LIN54: variants seen among roughly 807,000 people sequenced by gnomAD.
The protein encoded by LIN54 is lin-54 DREAM MuvB core complex component.
A neutral mutation model predicts 78.7 loss-of-function variants in LIN54; 9 were observed. The ratio of observed to expected loss-of-function variants is 0.11; its 90% confidence interval spans 0.07 to 0.20. The LOEUF (loss-of-function observed/expected upper bound fraction) is 0.20. Among genes scored for constraint, LIN54 ranks in the 10% least tolerant of loss-of-function variants. The pLI, the probability that LIN54 is intolerant of heterozygous loss-of-function variation, is 1.00. For missense variants in LIN54, 573 were observed against 889.9 expected (o/e 0.64, Z 4.53); for synonymous variants, 269 against 318.4 (o/e 0.84, Z 1.65).
At chr4:82,939,812 C>T in intron 6 of LIN54, 76 bp from the exon 7 acceptor site, 1 of 1,587,806 alleles carries the variant, frequency 6.3e-7, no homozygotes, top group Non-Finnish European at 8.6e-7. Flanking sequence ...ATCTCTTGCA[C>T]CTAAATCTTA....
intron 1 of LIN54, among the ~76,000 whole-genome samples, chr4:83,004,882 A>C (rs1165066284): frequency 6.6e-6 from 1 of 152,092 alleles, no homozygotes; most frequent in Non-Finnish European, 1.5e-5. Flanking sequence ...TGTTTACATT[A>C]GATTTATAAA....
At chr4:82,974,046 TA>T (rs1725916517) in intron 3 of LIN54, among the ~76,000 whole-genome samples, 1 of 150,566 alleles carries the variant, frequency 6.6e-6, no homozygotes. Context: ...CCATCTCTAC[TA>T]AAAATACAAA....
At chr4:82,935,105 TC>T (rs2126032051) in intron 11 of LIN54, among the ~76,000 whole-genome samples, 1 of 152,032 alleles carries the variant, frequency 6.6e-6, no homozygotes, top group South Asian at 2.1e-4. Context: ...GAATGCCAGA[TC>T]CCCCTTTCCT....
In LIN54 at chr4:82,939,605, G is replaced by A; in HGVS notation, c.1374C>T (p.Val458=). 1 of 1,614,238 alleles carries A rather than the reference G, an allele frequency of 6.2e-7. No individual in the cohort carries two copies. The highest frequency in any genetic ancestry group is 1.7e-4 in the Middle Eastern group (1 of 6,060). The change falls in exon 7 of 13, where the codon GTC becomes GTT. Residue 458 remains valine, a synonymous_variant. Transcript: ENST00000340417. The part of the protein sequence containing the change: ...PNLTNLPPGT[V]LAPAPGTGNV... ...TCCCTGTTCCCGGAGCTGGTGCCAG[G>A]ACAGTGCCTGGTGGCAGGTTAGTGA...
Position 82,926,786 on chromosome 4 carries a change from T to C in LIN54, c.*1316A>G, listed in dbSNP as rs1050345931. The C allele has an allele frequency of 6.6e-6, 1 of 152,190 alleles. No homozygotes were observed. Among genetic ancestry groups the C allele is most frequent in the African/African-American group, 2.4e-5 (1 of 41,446 alleles). The allele number at this position is 152,190 out of a possible 1,614,324, so 9.4% of individuals were successfully genotyped here. A position where few individuals can be genotyped will look rare whatever the true frequency, so the allele number is the denominator to read the frequency against. ...AATCCCACCACAATTTTGAAAATTT[T>C]GTTAGGAGGCCCATTTCTGTAAATC... On this transcript the variant is annotated 3_prime_UTR_variant, in exon 13 of 13. Coordinates refer to ENST00000340417, the MANE Select transcript of LIN54 (RefSeq NM_194282.4).
Position 82,948,093 on chromosome 4 carries a change from G to A in LIN54, c.952-1619C>T, listed in dbSNP as rs200545643. On this transcript the variant is annotated intron_variant, in intron 4 of 12. Coordinates refer to ENST00000340417, the MANE Select transcript of LIN54 (RefSeq NM_194282.4). ...TGAAAACAGAAAGCATAAGAAAAAT[G>A]ATTAAATGTATAAATATGGAAGCTA... Among the ~76,000 whole-genome samples, 33 of 152,212 alleles carry A rather than the reference G, an allele frequency of 2.2e-4. 1 individual carries two copies. In the East Asian group the frequency reaches 6.0e-3, roughly 28 times the overall value.
intron 2 of LIN54, among the ~76,000 whole-genome samples, chr4:82,982,844 C>T (rs1210499334): frequency 6.6e-6 from 1 of 152,176 alleles, no homozygotes; most frequent in East Asian, 1.9e-4. Flanking sequence ...ACTGTCAAAA[C>T]AGTAACCAAA....
chr4:82,927,932 A>G lies in LIN54; in HGVS notation c.*170T>C, dbSNP rs958725932. The G allele has an allele frequency of 1.7e-6, 1 of 598,766 alleles. No individual in the cohort carries two copies. The highest frequency in any genetic ancestry group is 1.9e-5 in the African/African-American group (1 of 53,994). The allele number at this position is 598,766 out of a possible 1,614,324, so 37.1% of individuals were successfully genotyped here. A position where few individuals can be genotyped will look rare whatever the true frequency, so the allele number is the denominator to read the frequency against. ...TAAGCAGATTTAACTAAGATTTAAA[A>G]TGTACTAATTTCCTCATTTAAAATT... On this transcript the variant is annotated 3_prime_UTR_variant, in exon 13 of 13. Transcript: ENST00000340417.
intron 3 of LIN54, among the ~76,000 whole-genome samples, chr4:82,977,563 T>C (rs1726264331): frequency 6.6e-6 from 1 of 152,186 alleles, no homozygotes; most frequent in African/African-American, 2.4e-5. Context: ...AAATCAAGCC[T>C]ACATACAAAT....
chr4:82,961,042 A>G (rs1049672683), intron 4 of LIN54, among the ~76,000 whole-genome samples: 6 of 152,162 alleles, frequency 3.9e-5, no homozygotes, highest in Admixed American at 6.5e-5. Flanking sequence ...CCTGGGTGAC[A>G]GAGTGAGATC....
At position 82,993,740 on chromosome 4, in the gene LIN54, C is replaced by T. The variant is rs371672968; in HGVS notation, c.-32-8864G>A. Among the ~76,000 whole-genome samples the T allele has an allele frequency of 3.2e-4, 48 of 152,196 alleles. 1 individual carries two copies. Among genetic ancestry groups the T allele is most frequent in the African/African-American group, 1.2e-3 (48 of 41,552 alleles). On this transcript the variant is annotated intron_variant, in intron 1 of 12. Transcript: ENST00000340417. ...TCAAGCAACTCTCCTGCCTCAGCCTCCCAAGTAGCTGGGATTAGAGGCGCA... is the reference window on the plus strand; with the variant it reads ...TCAAGCAACTCTCCTGCCTCAGCCTTCCAAGTAGCTGGGATTAGAGGCGCA...
At position 83,002,407 on chromosome 4, in the gene LIN54, G is replaced by A. The variant is rs191983190; in HGVS notation, c.-33+8077C>T. 3.4e-5 allele frequency among the ~76,000 whole-genome samples: 5 copies of A among 146,362 alleles called. No homozygotes were observed. The East Asian group carries it at 1.1e-3, about 31-fold the overall frequency. On this transcript the variant is annotated intron_variant, in intron 1 of 12. Coordinates refer to ENST00000340417, the MANE Select transcript of LIN54 (RefSeq NM_194282.4). ...GGTGAGGGAGGAAGGAAGGAAGGAG[G>A]GAAGGAAGGAGGGATAGAAAGGAGG...
intron 1 of LIN54, among the ~76,000 whole-genome samples, chr4:83,005,296 A>ATT (rs79214783): frequency 3.3e-5 from 5 of 151,602 alleles, no homozygotes; most frequent in East Asian, 1.9e-4. Flanking sequence ...GAGATTCACA[A>ATT]TTTTTTTTTC....
chr4:82,942,854 GCGCGCGCACA>G (rs1180357498), intron 5 of LIN54, among the ~76,000 whole-genome samples: 21 of 47,228 alleles, frequency 4.4e-4, no homozygotes, highest in Admixed American at 2.2e-3. Context: ...GTGTGCGTGT[GCGCGCGCACA>G]CACACACACA....
chr4:82,971,947 G>T (rs1287176004), intron 3 of LIN54, among the ~76,000 whole-genome samples: 1 of 152,160 alleles, frequency 6.6e-6, no homozygotes, highest in African/African-American at 2.4e-5. Context: ...ACAGTGAGGA[G>T]AAAGGGAAAG....
At chr4:82,942,839 C>A (rs1723018366) in intron 5 of LIN54, among the ~76,000 whole-genome samples, 1 of 151,102 alleles carries the variant, frequency 6.6e-6, no homozygotes, top group Admixed American at 6.6e-5. Context: ...TACACATGCA[C>A]AAATGTGTGC....
chr4:82,972,043 A>G (rs983232359), intron 3 of LIN54, among the ~76,000 whole-genome samples: 1 of 152,112 alleles, frequency 6.6e-6, no homozygotes, highest in Non-Finnish European at 1.5e-5. Flanking sequence ...CAACAATGCC[A>G]AAGTATGCCT....
chr4:82,981,899 T>C (rs1481922360), intron 2 of LIN54, among the ~76,000 whole-genome samples: 3 of 152,014 alleles, frequency 2.0e-5, no homozygotes, highest in African/African-American at 7.2e-5. Flanking sequence ...CCAGGTGTGG[T>C]GGTTTGCATC....
At chr4:82,986,850 A>G (rs1727192807) in intron 1 of LIN54, among the ~76,000 whole-genome samples, 1 of 152,214 alleles carries the variant, frequency 6.6e-6, no homozygotes, top group South Asian at 2.1e-4. Context: ...GACGTAATTT[A>G]ATTTATCCTC....
Sources: allele counts gnomAD v4.1 joint callset (sites outside exome capture counted in the v4.1 genomes callset), GRCh38; gene constraint gnomAD v4.1.1; transcripts MANE v1.5; gene names NCBI Gene and HGNC (gene_info 2026-07-23, HGNC 2026-07-21).